The following ULK4 variants were observed in gnomAD, a reference collection of about 807,000 sequenced individuals.
The protein encoded by ULK4 is inactive serine/threonine-protein kinase ULK4.
In ULK4, 133 loss-of-function variants were observed where a neutral mutation model predicts 160.6. The ratio of observed to expected loss-of-function variants is 0.83; its 90% CI spans 0.72 to 0.96. The LOEUF is 0.96. Among genes scored for constraint, ULK4 ranks in the 40% least tolerant of loss-of-function variants. ULK4 has a pLI of 0.00. For synonymous variants in ULK4, 534 were observed against 539.8 expected, an observed-to-expected ratio of 0.99 and a Z score of 0.15; for missense variants, 1,580 against 1,499.5, an observed-to-expected ratio of 1.05 and a Z score of -0.89.
intron 12 of ULK4, among the ~76,000 whole-genome samples, chr3:41,902,484 A>G (rs963189498): frequency 1.3e-5 from 2 of 150,980 alleles, no homozygotes; most frequent in African/African-American, 4.9e-5. Context: ...GGGCTGAGGC[A>G]GGAGAATCGC....
At chr3:41,653,525 A>C (rs2034824600) in intron 30 of ULK4, among the ~76,000 whole-genome samples, 1 of 152,224 alleles carries the variant, frequency 6.6e-6, no homozygotes. Context: ...TTCACATTTT[A>C]AACGACCCAG....
At position 41,717,760 on chromosome 3, in the gene ULK4, C is replaced by G; in HGVS notation, c.2423G>C (p.Cys808Ser). The change falls in exon 23 of 37, where the codon TGT (cysteine) becomes TCT (serine). Residue 808 changes from cysteine (C) to serine (S), a missense_variant. Physicochemically the swap from Cys to Ser is moderately radical, Grantham distance 112. Transcript: ENST00000301831. ...YLSKCLDLLI[C>S]HIVQELPRIL... is the part of the protein sequence containing the mutation. ...TCGTGGCAGCTCCTGCACAATGTGA[C>G]AGATGAGAAGATCCAGGCATTTGGA... 6.2e-7 allele frequency: 1 copy of G among 1,614,070 alleles called. No homozygotes were observed. Among genetic ancestry groups the G allele is most frequent in the South Asian group, 1.1e-5 (1 of 91,066 alleles).
intron 5 of ULK4, among the ~76,000 whole-genome samples, chr3:41,931,510 C>T (rs1014204408): frequency 2.7e-5 from 4 of 150,260 alleles, no homozygotes; most frequent in Admixed American, 6.6e-5. Flanking sequence ...GTTTCAACTG[C>T]AGAATATCAT....
At chr3:41,285,784 A>T (rs2079446310) in intron 35 of ULK4, among the ~76,000 whole-genome samples, 1 of 152,274 alleles carries the variant, frequency 6.6e-6, no homozygotes, top group South Asian at 2.1e-4. Context: ...ATTTCTACCT[A>T]GCTGATGAGC....
chr3:41,918,398 G>A lies in ULK4; in HGVS notation c.727+59C>T, dbSNP rs189046937. 14 of 1,164,574 alleles carry A rather than the reference G, an allele frequency of 1.2e-5. No homozygotes were observed. The East Asian group carries it at 3.8e-4, about 31-fold the overall frequency. The allele number at this position is 1,164,574 out of a possible 1,614,324, so 72.1% of individuals were successfully genotyped here. On this transcript the variant is annotated intron_variant, in intron 7 of 36. Coordinates refer to ENST00000301831, the MANE Select transcript of ULK4 (RefSeq NM_017886.4). ...TCAATAAAAGCAAACGTTGGATAAAGGTACACCTTTAATCAGTGTAAAATG... is the reference window on the plus strand; with the variant it reads ...TCAATAAAAGCAAACGTTGGATAAAAGTACACCTTTAATCAGTGTAAAATG...
intron 35 of ULK4, among the ~76,000 whole-genome samples, chr3:41,370,365 G>A (rs1307670399): frequency 6.6e-6 from 1 of 152,164 alleles, no homozygotes; most frequent in Non-Finnish European, 1.5e-5. Flanking sequence ...CAGGCAAGAT[G>A]GCCAAATAGG....
chr3:41,773,072 G>A (rs111325524), intron 21 of ULK4, among the ~76,000 whole-genome samples: 18,932 of 151,582 alleles, frequency 0.12, 1,352 homozygotes, highest in Middle Eastern at 0.27. Flanking sequence ...GACATATCTC[G>A]AAATAATAAG....
chr3:41,501,159 C>T (rs1010424186), intron 32 of ULK4, among the ~76,000 whole-genome samples: 6 of 151,890 alleles, frequency 4.0e-5, no homozygotes, highest in African/African-American at 1.5e-4. Flanking sequence ...GGTAAGAATG[C>T]CAAATGGCAC....
rs150510090 is a variant in ULK4, at chr3:41,541,211, G to A, written c.3226+24814C>T. On this transcript the variant is annotated intron_variant, in intron 32 of 36. Coordinates refer to ENST00000301831, the MANE Select transcript of ULK4 (RefSeq NM_017886.4). ...TCCTGAATCAACTTTTGTATAAGGTGTAAGGAAGGGGTCCAGTTTCAGTTT... is the reference window on the plus strand; with the variant it reads ...TCCTGAATCAACTTTTGTATAAGGTATAAGGAAGGGGTCCAGTTTCAGTTT... Among the ~76,000 whole-genome samples the A allele has an allele frequency of 2.7e-3, 416 of 152,256 alleles. 4 individuals carry two copies. Among genetic ancestry groups the A allele is most frequent in the African/African-American group, 9.6e-3 (397 of 41,552 alleles).
intron 32 of ULK4, among the ~76,000 whole-genome samples, chr3:41,497,351 T>C (rs1250038987): frequency 6.6e-6 from 1 of 152,032 alleles, no homozygotes. Context: ...CATTTGATTT[T>C]TTAAAAACAG....
intron 2 of ULK4, among the ~76,000 whole-genome samples, chr3:41,948,181 T>C (rs1700169609): frequency 6.6e-6 from 1 of 152,154 alleles, no homozygotes; most frequent in African/African-American, 2.4e-5. Flanking sequence ...CCAGGCGCAG[T>C]GGCTCATACC....
chr3:41,287,338 G>A (rs902247795), intron 35 of ULK4, among the ~76,000 whole-genome samples: 2 of 152,088 alleles, frequency 1.3e-5, no homozygotes, highest in African/African-American at 4.8e-5. Flanking sequence ...AGGAAAATAG[G>A]GCTGAGTGTG....
At chr3:41,742,303 C>T (rs2038267609) in intron 22 of ULK4, among the ~76,000 whole-genome samples, 1 of 151,908 alleles carries the variant, frequency 6.6e-6, no homozygotes, top group Admixed American at 6.6e-5. Flanking sequence ...TCTATAAGAC[C>T]CAGCAGAGGG....
chr3:41,604,227 G>A (rs1053563243), intron 31 of ULK4, among the ~76,000 whole-genome samples: 27 of 152,090 alleles, frequency 1.8e-4, no homozygotes, highest in African/African-American at 6.0e-4. Flanking sequence ...TAATCAGGAA[G>A]GGAAAGAGAG....
intron 35 of ULK4, among the ~76,000 whole-genome samples, chr3:41,320,218 G>C (rs1007534405): frequency 2.6e-5 from 4 of 152,096 alleles, no homozygotes; most frequent in African/African-American, 9.7e-5. Flanking sequence ...ATGAAGGGTA[G>C]GGTATATATG....
chr3:41,423,499 T>C lies in ULK4; in HGVS notation c.3493-25235A>G, dbSNP rs543777891. On this transcript the variant is annotated intron_variant, in intron 34 of 36. Coordinates refer to ENST00000301831, the MANE Select transcript of ULK4 (RefSeq NM_017886.4). The stretch of plus-strand genomic sequence containing the variant: ...CAACTCTAATAATAGAGCATCGTGG[T>C]TTCCTATGACCATCAAATGAGGAAT... Among the ~76,000 whole-genome samples, 20 of 151,582 alleles carry C rather than the reference T, an allele frequency of 1.3e-4. No homozygotes were observed. In the East Asian group the frequency reaches 3.3e-3, roughly 25 times the overall value.
At chr3:41,828,934 G>A (rs1010163879) in intron 18 of ULK4, among the ~76,000 whole-genome samples, 1 of 151,602 alleles carries the variant, frequency 6.6e-6, no homozygotes. Context: ...CATGGTACTG[G>A]TACCAAAACA....
intron 17 of ULK4, among the ~76,000 whole-genome samples, chr3:41,839,614 CT>C (rs1553669381): frequency 6.6e-6 from 1 of 151,194 alleles, no homozygotes; most frequent in Non-Finnish European, 1.5e-5. Flanking sequence ...TCAAAAAAAA[CT>C]AACTATCACA....
intron 27 of ULK4, among the ~76,000 whole-genome samples, chr3:41,686,539 G>A (rs543487468): frequency 5.9e-5 from 9 of 152,186 alleles, no homozygotes; most frequent in African/African-American, 2.2e-4. Flanking sequence ...ATTTGAAAAC[G>A]TACAGATGAA....
Sources: allele counts gnomAD v4.1 joint callset (sites outside exome capture counted in the v4.1 genomes callset), GRCh38; gene constraint gnomAD v4.1.1; transcripts MANE v1.5; gene names NCBI Gene and HGNC (gene_info 2026-07-23, HGNC 2026-07-21).